Variants in RIN3 observed in about 807,000 individuals in gnomAD.
The protein encoded by RIN3 is RAB5 interacting protein 3.
A neutral mutation model predicts 76.3 loss-of-function variants in RIN3; 54 were observed. The ratio of observed to expected loss-of-function variants is 0.71; its 90% CI spans 0.57 to 0.89. The LOEUF is 0.89. Ranked by LOEUF, RIN3 falls within the 40% of genes least tolerant of loss-of-function variation. The pLI is 0.00. For missense variants in RIN3, 1,256 were observed against 1,322.1 expected, an observed-to-expected ratio of 0.95 and a Z score of 0.78; for synonymous variants, 576 against 564.0, an observed-to-expected ratio of 1.02 and a Z score of -0.30.
intron 2 of RIN3, among the ~76,000 whole-genome samples, chr14:92,565,324 A>C (rs1047119405): frequency 6.6e-6 from 1 of 152,150 alleles, no homozygotes; most frequent in Admixed American, 6.5e-5. Context: ...GGTCTGGGGA[A>C]GGAAGTGTTA....
In RIN3 at chr14:92,513,906, G is replaced by GT. The variant is rs1450202085; in HGVS notation, c.-25dup. On this transcript the variant is annotated 5_prime_UTR_variant, in exon 1 of 10. Transcript: ENST00000216487. ...CGCGGCCCGGCGCCTGAGCGCCTCCGTTCCCCGTCCCGGAGCTGCCGGCGG... is the reference window on the plus strand; with the variant it reads ...CGCGGCCCGGCGCCTGAGCGCCTCCGTTTCCCCGTCCCGGAGCTGCCGGCGG... 4.0e-6 allele frequency: 5 copies of GT among 1,253,078 alleles called. No homozygotes were observed. In the East Asian group the frequency reaches 1.6e-4, roughly 40 times the overall value. 77.6% of individuals were successfully genotyped at this position (1,253,078 alleles called of 1,614,324 possible).
intron 1 of RIN3, among the ~76,000 whole-genome samples, chr14:92,542,317 C>T (rs183052861): frequency 2.2e-4 from 33 of 152,056 alleles, no homozygotes; most frequent in Admixed American, 3.9e-4. Context: ...TGAACAGATG[C>T]TCAATATCAA....
At chr14:92,524,807 C>T (rs1487508020) in intron 1 of RIN3, among the ~76,000 whole-genome samples, 1 of 152,210 alleles carries the variant, frequency 6.6e-6, no homozygotes, top group Non-Finnish European at 1.5e-5. Context: ...GGGCTGTCTC[C>T]AACCAAGGCT....
intron 1 of RIN3, among the ~76,000 whole-genome samples, chr14:92,545,480 G>A (rs566404265): frequency 6.6e-6 from 1 of 151,818 alleles, no homozygotes; most frequent in Non-Finnish European, 1.5e-5. Context: ...ATTCTTGTTG[G>A]TACACTCCTT....
rs929618716 is a variant in RIN3, at chr14:92,681,191, G to T, written c.2468-3796G>T. ...GGGGCAGTGGGTTTTTCCAATCAAC[G>T]CATTCGCCCCAGAGAGAAAAGCCTG... On this transcript the variant is annotated intron_variant, in intron 8 of 9. Transcript: ENST00000216487. This position sits in a 1 kb window ranked among gnomAD's most constrained non-coding sequence, Gnocchi z 4.7. Among the ~76,000 whole-genome samples, 2 of 152,160 alleles carry T rather than the reference G, an allele frequency of 1.3e-5. No homozygotes were observed. Among genetic ancestry groups the T allele is most frequent in the Non-Finnish European group, 2.9e-5 (2 of 68,030 alleles).
intron 3 of RIN3, among the ~76,000 whole-genome samples, chr14:92,591,965 G>C (rs981871758): frequency 2.0e-5 from 3 of 152,174 alleles, no homozygotes; most frequent in African/African-American, 7.2e-5. Flanking sequence ...TGACCTAACA[G>C]ATAACAGTTT....
At chr14:92,535,186 C>T (rs1481951471) in intron 1 of RIN3, among the ~76,000 whole-genome samples, 1 of 152,158 alleles carries the variant, frequency 6.6e-6, no homozygotes, top group Non-Finnish European at 1.5e-5. Context: ...CCAGGTCAAG[C>T]TTCTTGCTTA....
chr14:92,682,788 C>T (rs1425162926), intron 8 of RIN3, among the ~76,000 whole-genome samples: 2 of 152,188 alleles, frequency 1.3e-5, no homozygotes, highest in African/African-American at 4.8e-5. Context: ...GATGTTACTT[C>T]CCCAAATAAA....
chr14:92,534,690 T>C (rs1896956659), intron 1 of RIN3, among the ~76,000 whole-genome samples: 1 of 152,024 alleles, frequency 6.6e-6, no homozygotes, highest in African/African-American at 2.4e-5. Flanking sequence ...TCCCCTGAGT[T>C]TGTCCAGGGC....
chr14:92,599,330 G>A (rs934180081), intron 3 of RIN3, among the ~76,000 whole-genome samples: 1 of 152,192 alleles, frequency 6.6e-6, no homozygotes, highest in African/African-American at 2.4e-5. Context: ...TGACAGCATG[G>A]TGGGGCCAGA....
chr14:92,653,102 G>C, intron 6 of RIN3, 27 bp downstream of exon 6: 1 of 1,580,380 alleles, frequency 6.3e-7, no homozygotes, highest in Non-Finnish European at 8.6e-7. Context: ...GAGGTGGCAG[G>C]GAGGAGAGGG....
At chr14:92,538,569 T>C (rs1158252427) in intron 1 of RIN3, among the ~76,000 whole-genome samples, 2 of 152,176 alleles carry the variant, frequency 1.3e-5, no homozygotes, top group African/African-American at 4.8e-5. Context: ...GCAAGTCACG[T>C]GGCAGTGAAC....
In RIN3 at chr14:92,685,265, C is replaced by G; in HGVS notation, c.2631+115C>G. On this transcript the variant is annotated intron_variant, in intron 9 of 9. Coordinates refer to ENST00000216487, the MANE Select transcript of RIN3 (RefSeq NM_024832.5). The surrounding 1 kb of genome is among the most constrained non-coding windows in gnomAD (Gnocchi z 4.7). Reference sequence around the variant, plus strand: ...GGCTGCTCCAGCCGCCCAGCCCTGCCTTAGGGGAGCAGTGAGACTCCCCAC... The same window carrying G: ...GGCTGCTCCAGCCGCCCAGCCCTGCGTTAGGGGAGCAGTGAGACTCCCCAC... 2.6e-6 allele frequency: 3 copies of G among 1,152,624 alleles called. No individual in the cohort carries two copies. The highest frequency in any genetic ancestry group is 3.6e-6 in the Non-Finnish European group (3 of 829,960). The allele number at this position is 1,152,624 out of a possible 1,614,324, so 71.4% of individuals were successfully genotyped here. A position where few individuals can be genotyped will look rare whatever the true frequency, so the allele number is the denominator to read the frequency against.
At position 92,676,461 on chromosome 14, in the gene RIN3, C is replaced by G. The variant is rs368762350; in HGVS notation, c.2336-14C>G. Reference sequence around the variant, plus strand: ...CCTGGAACTCATCTCCCTCTGCCTCCTTCTTCTTCCCAGGGAAGCCCTATG... The same window carrying G: ...CCTGGAACTCATCTCCCTCTGCCTCGTTCTTCTTCCCAGGGAAGCCCTATG... On this transcript the variant is annotated splice_polypyrimidine_tract_variant and intron_variant, in intron 7 of 9. Transcript: ENST00000216487. 134 of 1,612,092 alleles carry G rather than the reference C, an allele frequency of 8.3e-5. No homozygotes were observed. The highest frequency in any genetic ancestry group is 1.1e-4 in the Non-Finnish European group (126 of 1,178,426).
Position 92,651,659 on chromosome 14 carries a change from T to A in RIN3, c.610T>A (p.Phe204Ile), listed in dbSNP as rs368941632. Residue 204 changes from phenylalanine to isoleucine, a missense_variant, in exon 6 of 10, where the codon TTC becomes ATC. Physicochemically the swap from Phe to Ile is conservative, Grantham distance 21. Transcript: ENST00000216487. ...GCCCCCAAGAGACCGGGCCCCCGGA[T>A]TCCCCCTAGTCTCCAGCCTCAGGCC... ...AEPPRDRAPG[F>I]PLVSSLRPTA... 31 of 1,613,428 alleles carry A rather than the reference T, an allele frequency of 1.9e-5. No individual in the cohort carries two copies. The highest frequency in any genetic ancestry group is 1.6e-4 in the Middle Eastern group (1 of 6,080).
chr14:92,643,833 CAGG>C lies in RIN3; in HGVS notation c.532+2507_532+2509del, dbSNP rs1887100413. ...ATCCCAGCTACTCCGGAGGCTGAGG[CAGG>C]AGAATTGCTTGAACCTGGGAGGCGG... On this transcript the variant is annotated intron_variant, in intron 5 of 9. Coordinates refer to ENST00000216487, the MANE Select transcript of RIN3 (RefSeq NM_024832.5). This position sits in a 1 kb window ranked among gnomAD's most constrained non-coding sequence, Gnocchi z 4.8. Among the ~76,000 whole-genome samples, 1 of 152,048 alleles carries C rather than the reference CAGG, an allele frequency of 6.6e-6. No individual in the cohort carries two copies. Among genetic ancestry groups the C allele is most frequent in the South Asian group, 2.1e-4 (1 of 4,832 alleles).
intron 8 of RIN3, among the ~76,000 whole-genome samples, chr14:92,682,717 C>G (rs1383849961): frequency 6.6e-6 from 1 of 152,242 alleles, no homozygotes; most frequent in East Asian, 1.9e-4. Flanking sequence ...TAAGGGGCCA[C>G]AGCAGAGTCT....
intron 1 of RIN3, among the ~76,000 whole-genome samples, chr14:92,545,506 A>G (rs1897239426): frequency 6.6e-6 from 1 of 151,680 alleles, no homozygotes; most frequent in East Asian, 1.9e-4. Flanking sequence ...AGATTCATCA[A>G]TTATTAACAT....
At chr14:92,654,124 G>A (rs1413395112) in intron 6 of RIN3, among the ~76,000 whole-genome samples, 1 of 152,044 alleles carries the variant, frequency 6.6e-6, no homozygotes, top group Non-Finnish European at 1.5e-5. Flanking sequence ...GACCAGCCTG[G>A]CCAACATGGT....
Sources: gnomAD v4.1 joint callset for allele counts (sites outside exome capture counted in the v4.1 genomes callset) on GRCh38, gnomAD v4.1.1 for gene constraint, Gnocchi (gnomAD v3.1) non-coding constraint, MANE v1.5 for transcripts, NCBI Gene and HGNC (gene_info 2026-07-23, HGNC 2026-07-21) for gene names.